TSNARE1: variants seen among roughly 807,000 people sequenced by gnomAD.
TSNARE1 encodes t-SNARE domain-containing protein 1.
A neutral mutation model predicts 62.0 loss-of-function variants in TSNARE1; 49 were observed. The ratio of observed to expected loss-of-function variants is 0.79; its 90% CI spans 0.63 to 1.00. The LOEUF (loss-of-function observed/expected upper bound fraction) is 1.00, where lower values mean the gene tolerates loss of function less well. Among genes scored for constraint, TSNARE1 ranks in the 50% least tolerant of loss-of-function variants. TSNARE1 has a pLI of 0.00. For synonymous variants in TSNARE1, 328 were observed against 294.4 expected, an observed-to-expected ratio of 1.11 and a Z score of -1.17; for missense variants, 755 against 700.1, an observed-to-expected ratio of 1.08 and a Z score of -0.88.
chr8:142,392,854 T>C (rs907270056), intron 1 of TSNARE1, among the ~76,000 whole-genome samples: 1 of 151,364 alleles, frequency 6.6e-6, no homozygotes, highest in African/African-American at 2.4e-5. Context: ...GCAGGAGAAT[T>C]GCTTGAACCT....
chr8:142,329,949 G>A (rs919604110), intron 6 of TSNARE1, among the ~76,000 whole-genome samples: 5 of 152,260 alleles, frequency 3.3e-5, no homozygotes, highest in African/African-American at 1.2e-4. Flanking sequence ...CGGAGCCGCC[G>A]TGAGGAGGAG....
At chr8:142,390,024 G>A (rs189351543) in intron 1 of TSNARE1, among the ~76,000 whole-genome samples, 129 of 152,352 alleles carry the variant, frequency 8.5e-4, no homozygotes, top group African/African-American at 2.8e-3. Flanking sequence ...GTAGGCAACT[G>A]TAACAGAGTG....
At chr8:142,311,412 T>C (rs1266488205) in intron 9 of TSNARE1, among the ~76,000 whole-genome samples, 1 of 150,394 alleles carries the variant, frequency 6.6e-6, no homozygotes, top group East Asian at 2.0e-4. Context: ...GTTCTCCTGC[T>C]TCAGCCTCCC....
Position 142,319,700 on chromosome 8 carries a change from C to A in TSNARE1, c.894-1066G>T, listed in dbSNP as rs1829178577. Among the ~76,000 whole-genome samples, 1 of 152,180 alleles carries A rather than the reference C, an allele frequency of 6.6e-6. No homozygotes were observed. The highest frequency in any genetic ancestry group is 2.4e-5 in the African/African-American group (1 of 41,458). On this transcript the variant is annotated intron_variant, in intron 6 of 13. Transcript: ENST00000524325. This position sits in a 1 kb window ranked among gnomAD's most constrained non-coding sequence, Gnocchi z 4.9. ...ACACGTGGGAGCGAGCCTGGCACCACCACTGCAGGCCAAGCCTACAGGAGC... is the reference window on the plus strand; with the variant it reads ...ACACGTGGGAGCGAGCCTGGCACCAACACTGCAGGCCAAGCCTACAGGAGC...
intron 13 of TSNARE1, among the ~76,000 whole-genome samples, chr8:142,213,432 G>T (rs373375018): frequency 1.1e-4 from 17 of 151,082 alleles, no homozygotes; most frequent in African/African-American, 4.1e-4. Flanking sequence ...TTTCCATGAT[G>T]ACTTTTTTGC....
chr8:142,277,344 G>A (rs1301815010), intron 11 of TSNARE1: 3 of 985,276 alleles, frequency 3.0e-6, no homozygotes, highest in East Asian at 1.1e-4. Flanking sequence ...ACACCTCAAA[G>A]GAAACTGCCT....
intron 9 of TSNARE1, 59 bp downstream of exon 9, chr8:142,314,325 C>A: frequency 6.6e-7 from 1 of 1,514,254 alleles, no homozygotes; most frequent in Non-Finnish European, 9.1e-7. Context: ...GCACAGATGG[C>A]AGCGGATTCT....
intron 12 of TSNARE1, among the ~76,000 whole-genome samples, chr8:142,237,324 T>C (rs1324685992): frequency 6.6e-6 from 1 of 152,222 alleles, no homozygotes. Context: ...TCTTGGCCTG[T>C]TCAGGCCTGT....
chr8:142,377,291 C>T (rs1158762185), intron 1 of TSNARE1, among the ~76,000 whole-genome samples: 6 of 151,930 alleles, frequency 3.9e-5, no homozygotes, highest in African/African-American at 1.5e-4. Context: ...CCAAAGAAAA[C>T]ATCTACCAAA....
chr8:142,371,715 T>C (rs1835929151), intron 1 of TSNARE1, among the ~76,000 whole-genome samples: 1 of 152,196 alleles, frequency 6.6e-6, no homozygotes, highest in Admixed American at 6.5e-5. Flanking sequence ...TTTGTCAGGC[T>C]GTATACTTAA....
chr8:142,298,058 C>T (rs1293526440), intron 10 of TSNARE1, among the ~76,000 whole-genome samples: 1 of 152,208 alleles, frequency 6.6e-6, no homozygotes, highest in South Asian at 2.1e-4. Flanking sequence ...ACCCCCCGTC[C>T]GCACAGTGCT....
intron 1 of TSNARE1, among the ~76,000 whole-genome samples, chr8:142,364,199 C>T (rs1274631377): frequency 6.6e-6 from 1 of 152,172 alleles, no homozygotes; most frequent in African/African-American, 2.4e-5. Flanking sequence ...GGCCTGAGGT[C>T]TGCCCTCATG....
chr8:142,285,613 C>CAGGT (rs1030884561), intron 10 of TSNARE1, among the ~76,000 whole-genome samples: 1 of 148,392 alleles, frequency 6.7e-6, no homozygotes, highest in Middle Eastern at 3.7e-3. Context: ...GGATGATGGA[C>CAGGT]AGGTGGGTGG....
chr8:142,250,597 T>C (rs1009940673), intron 12 of TSNARE1, among the ~76,000 whole-genome samples: 2 of 152,172 alleles, frequency 1.3e-5, no homozygotes, highest in African/African-American at 4.8e-5. Context: ...CTCATCTGTC[T>C]TGTTGATGGC....
Position 142,319,130 on chromosome 8 carries a change from C to T in TSNARE1, c.894-496G>A, listed in dbSNP as rs1052149024. ...ACAGTGGCAGCCGGGCCCCACCAAT[C>T]GGCCACTGCGAGGACCACCTTGCTC... On this transcript the variant is annotated intron_variant, in intron 6 of 13. Coordinates refer to ENST00000524325, the MANE Select transcript of TSNARE1 (RefSeq NM_145003.5). This position sits in a 1 kb window ranked among gnomAD's most constrained non-coding sequence, Gnocchi z 4.9. 2.4e-4 allele frequency among the ~76,000 whole-genome samples: 36 copies of T among 151,612 alleles called. No individual in the cohort carries two copies. The highest frequency in any genetic ancestry group is 3.4e-3 in the Middle Eastern group (1 of 292).
chr8:142,256,037 T>C (rs141927571), intron 12 of TSNARE1, among the ~76,000 whole-genome samples: 22,816 of 39,792 alleles, frequency 0.57, 6,336 homozygotes, highest in Non-Finnish European at 0.66. Flanking sequence ...ACTGTCACCG[T>C]CACCACCACC....
intron 10 of TSNARE1, among the ~76,000 whole-genome samples, chr8:142,289,342 G>C (rs888744110): frequency 7.2e-5 from 11 of 152,224 alleles, no homozygotes; most frequent in Non-Finnish European, 1.5e-4. Context: ...CCAGTCCTTG[G>C]GGAGCACTCT....
intron 10 of TSNARE1, among the ~76,000 whole-genome samples, chr8:142,296,519 G>A (rs982967667): frequency 6.6e-6 from 1 of 152,058 alleles, no homozygotes; most frequent in East Asian, 1.9e-4. Flanking sequence ...AGTTTGACAC[G>A]TCGGTTCCAC....
chr8:142,270,717 G>GGGCC, intron 12 of TSNARE1: 1 of 985,320 alleles, frequency 1.0e-6, no homozygotes, highest in Non-Finnish European at 1.2e-6. Context: ...AGTGAGCAGG[G>GGGCC]GGCCCCTCAG....
Sources: allele counts gnomAD v4.1 joint callset (sites outside exome capture counted in the v4.1 genomes callset), GRCh38; gene constraint gnomAD v4.1.1; non-coding constraint Gnocchi (gnomAD v3.1); transcripts MANE v1.5; gene names NCBI Gene and HGNC (gene_info 2026-07-23, HGNC 2026-07-21).